The following BLTP3B variants were observed in gnomAD, a reference collection of about 807,000 sequenced individuals.
The protein encoded by BLTP3B is bridge-like lipid transfer protein family member 3B, also known as UHRF1 (ICBP90) binding protein 1-like.
the BLTP3B span, among the ~76,000 whole-genome samples, chr12:100,088,383 C>T: frequency 9.0e-4 from 137 of 152,174 alleles, no homozygotes; most frequent in African/African-American, 3.1e-3. Flanking sequence ...ATAACAGGGA[C>T]AAAAACTAAA....
chr12:100,073,042 C>G, the BLTP3B span, among the ~76,000 whole-genome samples: 5 of 152,122 alleles, frequency 3.3e-5, no homozygotes, highest in Admixed American at 1.3e-4. Context: ...ACAAAATCAA[C>G]ACTGTACAAT....
At chr12:100,050,957 T>G in the BLTP3B span, 1 of 1,329,186 alleles carries the variant, frequency 7.5e-7, no homozygotes, top group Admixed American at 2.8e-5. Context: ...AAGCTGCAAA[T>G]TGAATTGCCC....
the BLTP3B span, among the ~76,000 whole-genome samples, chr12:100,131,032 AG>A: frequency 8.1e-6 from 1 of 123,004 alleles, no homozygotes; most frequent in South Asian, 2.7e-4. Context: ...AGAGAGAGAG[AG>A]AAAGAGTTTT....
At chr12:100,134,891 T>C in the BLTP3B span, among the ~76,000 whole-genome samples, 1 of 152,180 alleles carries the variant, frequency 6.6e-6, no homozygotes, top group Non-Finnish European at 1.5e-5. Flanking sequence ...TATCACTATC[T>C]CAACAACTCC....
chr12:100,142,862 A>C, the BLTP3B span: 33 of 488,304 alleles, frequency 6.8e-5, no homozygotes, highest in East Asian at 1.2e-3. Flanking sequence ...CTGCAGCATC[A>C]CCTAAGAGAC....
At chr12:100,110,718 AG>A in the BLTP3B span, among the ~76,000 whole-genome samples, 1 of 152,050 alleles carries the variant, frequency 6.6e-6, no homozygotes, top group Non-Finnish European at 1.5e-5. Context: ...AAGGAGGAAA[AG>A]GGGGTAGGGA....
chr12:100,066,085 G>T, the BLTP3B span, among the ~76,000 whole-genome samples: 2 of 151,980 alleles, frequency 1.3e-5, no homozygotes, highest in Non-Finnish European at 2.9e-5. Flanking sequence ...GAAATACTGG[G>T]GACAGGTTCC....
the BLTP3B span, among the ~76,000 whole-genome samples, chr12:100,077,483 A>G: frequency 1.3e-5 from 2 of 152,270 alleles, no homozygotes; most frequent in African/African-American, 4.8e-5. Context: ...TTTAAGCTAG[A>G]TAATTCTTCA....
At chr12:100,084,478 G>C in the BLTP3B span, 4 of 1,611,934 alleles carry the variant, frequency 2.5e-6, no homozygotes, top group Admixed American at 1.7e-5. Context: ...TAAAATACCT[G>C]TTTGTGTGTG....
the BLTP3B span, chr12:100,060,012 A>G: frequency 6.2e-7 from 1 of 1,606,864 alleles, no homozygotes; most frequent in Non-Finnish European, 8.5e-7. Context: ...ACTGTAGTGC[A>G]TTCAGCTGGC....
At chr12:100,038,381 G>T in the BLTP3B span, among the ~76,000 whole-genome samples, 3 of 152,028 alleles carry the variant, frequency 2.0e-5, no homozygotes, top group Non-Finnish European at 4.4e-5. Context: ...TGTTGCCCAG[G>T]CTGGAATACA....
chr12:100,059,907 A>G, the BLTP3B span: 1 of 1,612,734 alleles, frequency 6.2e-7, no homozygotes, highest in South Asian at 1.1e-5. Flanking sequence ...TTGAATTGTC[A>G]TTCAACTTGT....
At chr12:100,086,969 G>A in the BLTP3B span, among the ~76,000 whole-genome samples, 614 of 152,116 alleles carry the variant, frequency 4.0e-3, 3 homozygotes, top group African/African-American at 0.014. Flanking sequence ...GACCAGCCTG[G>A]CCAACATAGT....
the BLTP3B span, chr12:100,086,146 G>C: frequency 2.0e-6 from 1 of 512,424 alleles, no homozygotes; most frequent in Middle Eastern, 5.4e-4. Flanking sequence ...ATACTGCCAG[G>C]AGAAAAATAC....
chr12:100,056,487 C>T, the BLTP3B span, among the ~76,000 whole-genome samples: 1 of 151,804 alleles, frequency 6.6e-6, no homozygotes, highest in African/African-American at 2.4e-5. Context: ...TATTATGTTA[C>T]TAATTATCTA....
chr12:100,116,448 CAAAAAAAA>C, the BLTP3B span, among the ~76,000 whole-genome samples: 1 of 56,002 alleles, frequency 1.8e-5, no homozygotes, highest in African/African-American at 6.1e-5. Flanking sequence ...GATCCTGTCT[CAAAAAAAA>C]AAAAAAAAAA....
the BLTP3B span, among the ~76,000 whole-genome samples, chr12:100,129,058 G>A: frequency 6.6e-6 from 1 of 151,742 alleles, no homozygotes; most frequent in Non-Finnish European, 1.5e-5. Context: ...TACATTAAAT[G>A]AAATCAATTA....
At chr12:100,053,272 GCA>G in the BLTP3B span, among the ~76,000 whole-genome samples, 3,179 of 151,854 alleles carry the variant, frequency 0.021, 121 homozygotes, top group African/African-American at 0.072. Context: ...GGGTGTGGTG[GCA>G]CGCATCTGTA....
At chr12:100,080,525 T>C in the BLTP3B span, among the ~76,000 whole-genome samples, 2 of 152,206 alleles carry the variant, frequency 1.3e-5, no homozygotes, top group Non-Finnish European at 2.9e-5. Flanking sequence ...CTTTTAAGAT[T>C]TGACTGTCCT....
Sources: allele counts gnomAD v4.1 joint callset (sites outside exome capture counted in the v4.1 genomes callset), GRCh38; gene constraint gnomAD v4.1.1; transcripts MANE v1.5; gene names NCBI Gene and HGNC (gene_info 2026-07-23, HGNC 2026-07-21).